The following RETREG2 variants were observed in gnomAD, a reference collection of about 807,000 sequenced individuals.
RETREG2 encodes reticulophagy regulator family member 2.
Under a neutral mutation model 51.6 loss-of-function variants are expected in RETREG2, and 21 were observed. The observed-to-expected ratio is 0.41, with a 90% CI of 0.29 to 0.59. The LOEUF (loss-of-function observed/expected upper bound fraction) is 0.59. RETREG2 is among the 20% of genes least tolerant of loss of function. The pLI is 0.34. For missense variants in RETREG2, 674 were observed against 646.0 expected (o/e 1.04, Z -0.47); for synonymous variants, 339 against 288.6 (o/e 1.17, Z -1.77).
Position 219,182,632 on chromosome 2 carries a change from C to T in RETREG2, c.*3C>T, listed in dbSNP as rs1275816505. 6.2e-7 allele frequency: 1 copy of T among 1,612,720 alleles called. No homozygotes were observed. The highest frequency in any genetic ancestry group is 1.1e-5 in the South Asian group (1 of 91,048). ...CTCAGGCCGTGGCAGAGCCATGAGC[C>T]AGCCGTTGAGGAAGGAGCTGCAGGC... is the stretch of plus-strand genomic sequence containing the variant. On this transcript the variant is annotated 3_prime_UTR_variant, in exon 9 of 9. Coordinates refer to ENST00000430297, the MANE Select transcript of RETREG2 (RefSeq NM_024293.6).
At position 219,178,964 on chromosome 2, in the gene RETREG2, C is replaced by T. The variant is rs765665115; in HGVS notation, c.324C>T (p.Ser108=). 9.3e-6 allele frequency: 15 copies of T among 1,613,664 alleles called. No homozygotes were observed. The South Asian group carries it at 9.9e-5, about 11-fold the overall frequency. The part of the protein sequence containing the change: ...SSSLRPFFLL[S]VSLLAYFLLD... ...CCCTCCGGCCCTTCTTCCTACTCAG[C>T]GTCTCACTTTTGGCCTATTTTCTGC... is the stretch of plus-strand genomic sequence containing the variant. Residue 108 remains serine (S), a synonymous_variant, in exon 2 of 9, where the codon AGC becomes AGT. Transcript: ENST00000430297.
rs1950320352 is a variant in RETREG2 at position 219,184,271 on chromosome 2, T to C, written c.*1642T>C. 1 of 152,182 alleles carries C rather than the reference T, an allele frequency of 6.6e-6. No homozygotes were observed. Among genetic ancestry groups the C allele is most frequent in the South Asian group, 2.1e-4 (1 of 4,826 alleles). The allele number at this position is 152,182 out of a possible 1,614,324, so 9.4% of individuals were successfully genotyped here. A position where few individuals can be genotyped will look rare whatever the true frequency, so the allele number is the denominator to read the frequency against. The stretch of plus-strand genomic sequence containing the variant: ...GAGTGGACATGGCAAGCCTTCCTCT[T>C]TGGGGAAGAAAAGCCCAGAACTGAG... On this transcript the variant is annotated 3_prime_UTR_variant, in exon 9 of 9. Coordinates refer to ENST00000430297, the MANE Select transcript of RETREG2 (RefSeq NM_024293.6).
rs1056309338 is a variant in RETREG2 at position 219,183,674 on chromosome 2, T to C, written c.*1045T>C. On this transcript the variant is annotated 3_prime_UTR_variant, in exon 9 of 9. Coordinates refer to ENST00000430297, the MANE Select transcript of RETREG2 (RefSeq NM_024293.6). ...TCCTTAGCCATCTTCCTTGACAGTG[T>C]GATCTGTTTAGTGAGATTTAGCATG... 3 of 152,158 alleles carry C rather than the reference T, an allele frequency of 2.0e-5. No individual in the cohort carries two copies. Among genetic ancestry groups the C allele is most frequent in the African/African-American group, 7.2e-5 (3 of 41,386 alleles). 9.4% of individuals were successfully genotyped at this position (152,158 alleles called of 1,614,324 possible). A position where few individuals can be genotyped will look rare whatever the true frequency, so the allele number is the denominator to read the frequency against.
At chr2:219,180,886 T>C (rs1950268957) in intron 5 of RETREG2, 132 bp downstream of exon 5, 4 of 1,339,442 alleles carry the variant, frequency 3.0e-6, no homozygotes, top group Admixed American at 1.8e-5. Context: ...GCTTTAGTAT[T>C]AGTAACTGTG....
chr2:219,183,145 G>C lies in RETREG2; in HGVS notation c.*516G>C, dbSNP rs1426492624. 6.1e-6 allele frequency: 1 copy of C among 164,284 alleles called. No homozygotes were observed. The highest frequency in any genetic ancestry group is 1.4e-5 in the Non-Finnish European group (1 of 73,680). 10.2% of individuals were successfully genotyped at this position (164,284 alleles called of 1,614,324 possible). ...CTTTGCCAGCTCCTCCTATCCCGTGGGCACTGGCCAAGCTTTAGGGAGGCT... is the reference window on the plus strand; with the variant it reads ...CTTTGCCAGCTCCTCCTATCCCGTGCGCACTGGCCAAGCTTTAGGGAGGCT... On this transcript the variant is annotated 3_prime_UTR_variant, in exon 9 of 9. Coordinates refer to ENST00000430297, the MANE Select transcript of RETREG2 (RefSeq NM_024293.6).
rs749566443 is a variant in RETREG2 at position 219,182,766 on chromosome 2, TCTGCCTGC to T, written c.*150_*157del. The T allele has an allele frequency of 3.8e-5, 37 of 961,428 alleles. No homozygotes were observed. Among genetic ancestry groups the T allele is most frequent in the Admixed American group, 1.3e-4 (5 of 39,274 alleles). 59.6% of individuals were successfully genotyped at this position (961,428 alleles called of 1,614,324 possible). ...CTGTCGGATGGTAGCTATTCCACCC[TCTGCCTGC>T]CTGCCTGCCTGCTGTCCTGGGCATG... is the stretch of plus-strand genomic sequence containing the variant. On this transcript the variant is annotated 3_prime_UTR_variant, in exon 9 of 9. Transcript: ENST00000430297.
chr2:219,180,945 G>T, intron 5 of RETREG2, 117 bp from the exon 6 acceptor site: 1 of 1,467,072 alleles, frequency 6.8e-7, no homozygotes, highest in African/African-American at 1.4e-5. Flanking sequence ...GAAGAGGTTG[G>T]CACAGCCTTG....
In RETREG2 at chr2:219,178,323, G is replaced by C; in HGVS notation, c.-30G>C. On this transcript the variant is annotated 5_prime_UTR_variant, in exon 1 of 9. Transcript: ENST00000430297. ...GGCGGCCGCGCAGCCCTGGCTCCTC[G>C]CGGGCTCGGGCGGCGGCTGCGGCGG... 2.5e-6 allele frequency: 1 copy of C among 396,000 alleles called. No homozygotes were observed. The highest frequency in any genetic ancestry group is 4.5e-6 in the Non-Finnish European group (1 of 224,408). The allele number at this position is 396,000 out of a possible 1,614,324, so 24.5% of individuals were successfully genotyped here. A position where few individuals can be genotyped will look rare whatever the true frequency, so the allele number is the denominator to read the frequency against.
chr2:219,182,477 T>A lies in RETREG2; in HGVS notation c.1480T>A (p.Leu494Met), dbSNP rs1950296030. The part of the protein sequence containing the change: ...EEALTTEDFE[L>M]LDQGELEQLN... ...GGCACTCACCACTGAGGACTTTGAGTTGCTGGATCAGGGGGAGCTGGAGCA... is the reference window on the plus strand; with the variant it reads ...GGCACTCACCACTGAGGACTTTGAGATGCTGGATCAGGGGGAGCTGGAGCA... The change falls in exon 9 of 9, where the codon TTG (leucine) becomes ATG (methionine). Residue 494 changes from leucine to methionine, a missense_variant. Transcript: ENST00000430297. 1 of 1,613,734 alleles carries A rather than the reference T, an allele frequency of 6.2e-7. No individual in the cohort carries two copies. The highest frequency in any genetic ancestry group is 8.5e-7 in the Non-Finnish European group (1 of 1,179,958).
Position 219,182,277 on chromosome 2 carries a change from G to A in RETREG2, c.1280G>A (p.Gly427Glu), listed in dbSNP as rs754182122. 5.0e-6 allele frequency: 8 copies of A among 1,613,982 alleles called. No individual in the cohort carries two copies. Among genetic ancestry groups the A allele is most frequent in the Non-Finnish European group, 6.8e-6 (8 of 1,180,002 alleles). The change falls in exon 9 of 9, where the codon GGA (glycine) becomes GAA (glutamate). Residue 427 changes from glycine to glutamate, a missense_variant. By Grantham distance (98) the Gly-to-Glu change is moderately conservative. Transcript: ENST00000430297. ...SPPDGVKCSP[G>E]GPVETLSPET... The stretch of plus-strand genomic sequence containing the variant: ...CCAGATGGAGTGAAATGCTCCCCTG[G>A]AGGACCAGTGGAGACACTGAGCCCC...
chr2:219,178,327 G>A lies in RETREG2; in HGVS notation c.-26G>A. ...GCCGCGCAGCCCTGGCTCCTCGCGG[G>A]CTCGGGCGGCGGCTGCGGCGGGGCT... On this transcript the variant is annotated 5_prime_UTR_variant, in exon 1 of 9. Transcript: ENST00000430297. The A allele has an allele frequency of 5.0e-6, 2 of 399,650 alleles. No homozygotes were observed. Among genetic ancestry groups the A allele is most frequent in the Non-Finnish European group, 8.8e-6 (2 of 226,568 alleles). 24.8% of individuals were successfully genotyped at this position (399,650 alleles called of 1,614,324 possible).
At chr2:219,178,885 C>T (rs1285163515) in intron 1 of RETREG2, 37 bp from the exon 2 acceptor site, 4 of 1,459,928 alleles carry the variant, frequency 2.7e-6, no homozygotes, top group Non-Finnish European at 2.9e-6. Context: ...GAGCCTGTCT[C>T]ACCCACTCAC....
chr2:219,178,284 G>C lies in RETREG2; in HGVS notation c.-69G>C. 8.3e-6 allele frequency: 3 copies of C among 360,562 alleles called. No homozygotes were observed. The highest frequency in any genetic ancestry group is 1.5e-5 in the Non-Finnish European group (3 of 202,294). 22.3% of individuals were successfully genotyped at this position (360,562 alleles called of 1,614,324 possible). A position where few individuals can be genotyped will look rare whatever the true frequency, so the allele number is the denominator to read the frequency against. On this transcript the variant is annotated 5_prime_UTR_variant, in exon 1 of 9. Coordinates refer to ENST00000430297, the MANE Select transcript of RETREG2 (RefSeq NM_024293.6). ...TCCTCCGCGGCGCCCCCTTCCGCCTGACGCGCCCCCGGCGGCGGCCGCGCA... is the reference window on the plus strand; with the variant it reads ...TCCTCCGCGGCGCCCCCTTCCGCCTCACGCGCCCCCGGCGGCGGCCGCGCA...
At position 219,182,935 on chromosome 2, in the gene RETREG2, A is replaced by C; in HGVS notation, c.*306A>C. The stretch of plus-strand genomic sequence containing the variant: ...CCTGCCTCATCTCTATTCTCATTCC[A>C]CTATGCCCCAAGCCCTGGTGGTCTG... On this transcript the variant is annotated 3_prime_UTR_variant, in exon 9 of 9. Transcript: ENST00000430297. The C allele has an allele frequency of 2.5e-6, 1 of 392,360 alleles. No individual in the cohort carries two copies. Among genetic ancestry groups the C allele is most frequent in the South Asian group, 3.5e-5 (1 of 28,340 alleles). 24.3% of individuals were successfully genotyped at this position (392,360 alleles called of 1,614,324 possible). A position where few individuals can be genotyped will look rare whatever the true frequency, so the allele number is the denominator to read the frequency against.
At position 219,178,939 on chromosome 2, in the gene RETREG2, C is replaced by A; in HGVS notation, c.299C>A (p.Ser100Tyr). 6.2e-7 allele frequency: 1 copy of A among 1,613,492 alleles called. No homozygotes were observed. The highest frequency in any genetic ancestry group is 8.5e-7 in the Non-Finnish European group (1 of 1,179,548). Residue 100 changes from serine (S) to tyrosine (Y), a missense_variant, in exon 2 of 9, where the codon TCC becomes TAC. Ser to Tyr is a moderately radical substitution (Grantham distance 144). Transcript: ENST00000430297. ...NGLFWLLSSS[S>Y]LRPFFLLSVS... ...TCCCTAAGGTTGCTGTCTTCCTCGT[C>A]CCTCCGGCCCTTCTTCCTACTCAGC...
At position 219,178,440 on chromosome 2, in the gene RETREG2, C is replaced by A. The variant is rs1400188744; in HGVS notation, c.88C>A (p.Leu30Ile). ...CCTGGGCCTGGGTCTGGGTCTGAGC[C>A]TAGGCATGAGTGAGGCCACCAGTGA... ...LSLGLGLGLS[L>I]GMSEATSEAE... is the part of the protein sequence containing the mutation. The change falls in exon 1 of 9, where the codon CTA becomes ATA. Residue 30 changes from leucine to isoleucine, a missense_variant. By Grantham distance (5) the Leu-to-Ile change is conservative. Coordinates refer to ENST00000430297, the MANE Select transcript of RETREG2 (RefSeq NM_024293.6). 4.1e-6 allele frequency: 3 copies of A among 734,300 alleles called. No homozygotes were observed. The highest frequency in any genetic ancestry group is 3.3e-4 in the Middle Eastern group (1 of 3,074). 45.5% of individuals were successfully genotyped at this position (734,300 alleles called of 1,614,324 possible).
chr2:219,181,014 T>G (rs1471629232), intron 5 of RETREG2, 48 bp from the exon 6 acceptor site: 1 of 1,606,934 alleles, frequency 6.2e-7, no homozygotes, highest in East Asian at 2.2e-5. Flanking sequence ...ATGGGGGCTC[T>G]TAGGAAATTG....
In RETREG2 at chr2:219,181,681, C is replaced by G. The variant is rs1950281387; in HGVS notation, c.921C>G (p.Asp307Glu). 2 of 1,614,036 alleles carry G rather than the reference C, an allele frequency of 1.2e-6. No individual in the cohort carries two copies. The highest frequency in any genetic ancestry group is 1.7e-5 in the Admixed American group (1 of 59,992). Residue 307 changes from aspartate to glutamate, a missense_variant, in exon 8 of 9, where the codon GAC becomes GAG. Physicochemically the swap from Asp to Glu is conservative, Grantham distance 45. Transcript: ENST00000430297. ...KKTALALAIT[D>E]SELSDEEASI... ...CAGCATTGGCCTTGGCCATTACAGA[C>G]TCAGAGCTGTCAGATGAGGAGGCTT...
chr2:219,181,553 G>T, intron 7 of RETREG2, 87 bp from the exon 8 acceptor site: 12 of 1,601,202 alleles, frequency 7.5e-6, no homozygotes, highest in Non-Finnish European at 1.0e-5. Context: ...GGAGGTGGAA[G>T]CCAGAGGTTT....
Sources: allele counts gnomAD v4.1 joint callset, GRCh38; gene constraint gnomAD v4.1.1; transcripts MANE v1.5; gene names NCBI Gene and HGNC (gene_info 2026-07-23, HGNC 2026-07-21).